ELMO1: variants seen among roughly 807,000 people sequenced by gnomAD.
ELMO1 encodes engulfment and cell motility protein 1.
In ELMO1, 26 loss-of-function variants were observed where a neutral mutation model predicts 98.9. That is an observed-to-expected ratio of 0.26 (90% confidence interval 0.19 to 0.36). The LOEUF (loss-of-function observed/expected upper bound fraction) is 0.36. Among genes scored for constraint, ELMO1 ranks in the 10% least tolerant of loss-of-function variants. ELMO1 has a pLI of 1.00. For missense variants in ELMO1, 627 were observed against 935.2 expected (o/e 0.67, Z 4.30); for synonymous variants, 346 against 346.0 (o/e 1.00, Z 0.00).
At chr7:36,982,427 C>T (rs925829465) in intron 16 of ELMO1, among the ~76,000 whole-genome samples, 2 of 152,086 alleles carry the variant, frequency 1.3e-5, no homozygotes, top group African/African-American at 4.8e-5. Context: ...TTTCTTTTTA[C>T]TTTTTTCAGG....
intron 15 of ELMO1, among the ~76,000 whole-genome samples, chr7:37,015,218 G>C (rs1002148446): frequency 1.3e-4 from 20 of 152,178 alleles, no homozygotes; most frequent in African/African-American, 4.8e-4. Flanking sequence ...GGGGTGGGGT[G>C]GGGGGACAGA....
rs116824444 is a variant in ELMO1 at position 37,096,015 on chromosome 7, A to G, written c.1300+604T>C. On this transcript the variant is annotated intron_variant, in intron 15 of 21. Transcript: ENST00000310758. ...GGTAGATTAAAGCTAAATTATGCCA[A>G]TGAACAAAAGGCAAGAAAATTATCA... Among the ~76,000 whole-genome samples, 730 of 152,364 alleles carry G rather than the reference A, an allele frequency of 4.8e-3. 1 individual carries two copies. Among genetic ancestry groups the G allele is most frequent in the African/African-American group, 0.017 (697 of 41,586 alleles).
chr7:37,334,529 T>G (rs891623278), intron 2 of ELMO1, among the ~76,000 whole-genome samples: 10 of 152,152 alleles, frequency 6.6e-5, no homozygotes, highest in African/African-American at 2.4e-4. Context: ...CCTAGCTGAG[T>G]AATCTTGGGC....
chr7:37,015,230 G>A (rs1793853054), intron 15 of ELMO1, among the ~76,000 whole-genome samples: 1 of 152,188 alleles, frequency 6.6e-6, no homozygotes, highest in Non-Finnish European at 1.5e-5. Flanking sequence ...GGGGACAGAA[G>A]ATTTGGGTTC....
chr7:37,378,933 A>G (rs1390743796), intron 1 of ELMO1, among the ~76,000 whole-genome samples: 3 of 152,092 alleles, frequency 2.0e-5, no homozygotes, highest in Non-Finnish European at 4.4e-5. Context: ...CCAATTCCAT[A>G]CACTCCAGAG....
chr7:36,952,849 A>G (rs1401223781), intron 16 of ELMO1, among the ~76,000 whole-genome samples: 1 of 152,088 alleles, frequency 6.6e-6, no homozygotes, highest in African/African-American at 2.4e-5. Context: ...CCTGGAGGAG[A>G]CAGACCTCTT....
At chr7:37,083,117 C>T (rs1783565351) in intron 15 of ELMO1, among the ~76,000 whole-genome samples, 1 of 152,174 alleles carries the variant, frequency 6.6e-6, no homozygotes, top group Admixed American at 6.5e-5. Flanking sequence ...TCTAGAGCTG[C>T]TTGGTAGTGG....
chr7:37,068,169 C>T (rs933439342), intron 15 of ELMO1, among the ~76,000 whole-genome samples: 1 of 152,148 alleles, frequency 6.6e-6, no homozygotes. Flanking sequence ...CTTCCCCAGG[C>T]AGGCCCTAAA....
intron 6 of ELMO1, among the ~76,000 whole-genome samples, chr7:37,246,610 G>A (rs1795018654): frequency 6.6e-6 from 1 of 152,176 alleles, no homozygotes; most frequent in Non-Finnish European, 1.5e-5. Context: ...TGTTTGTTGT[G>A]ATGAGAGAAC....
chr7:37,097,873 CT>C (rs1784443559), intron 14 of ELMO1, among the ~76,000 whole-genome samples: 2 of 152,326 alleles, frequency 1.3e-5, no homozygotes, highest in Non-Finnish European at 1.5e-5. Flanking sequence ...TGTCTTTCCC[CT>C]TTCGTTGCTC....
intron 1 of ELMO1, among the ~76,000 whole-genome samples, chr7:37,420,134 T>C (rs1303119082): frequency 2.0e-5 from 3 of 152,186 alleles, no homozygotes; most frequent in African/African-American, 7.2e-5. Flanking sequence ...AGGACGAGTC[T>C]TGTGCTCTCA....
intron 4 of ELMO1, among the ~76,000 whole-genome samples, chr7:37,292,725 C>A (rs1387282949): frequency 3.3e-5 from 3 of 91,912 alleles, no homozygotes; most frequent in East Asian, 3.0e-4. Flanking sequence ...CCGCCCCGTC[C>A]GGGAGGGAGG....
chr7:37,281,794 T>C (rs1288260852), intron 4 of ELMO1, among the ~76,000 whole-genome samples: 1 of 152,244 alleles, frequency 6.6e-6, no homozygotes, highest in East Asian at 1.9e-4. Flanking sequence ...ACAAAACTCA[T>C]GCCAGCTTCT....
At chr7:37,376,578 T>C (rs923202464) in intron 1 of ELMO1, among the ~76,000 whole-genome samples, 1 of 152,160 alleles carries the variant, frequency 6.6e-6, no homozygotes, top group Admixed American at 6.5e-5. Flanking sequence ...CAATTAGTAC[T>C]GTAACCCCCA....
At chr7:36,937,040 C>T (rs1174446719) in intron 16 of ELMO1, among the ~76,000 whole-genome samples, 1 of 152,048 alleles carries the variant, frequency 6.6e-6, no homozygotes, top group African/African-American at 2.4e-5. Context: ...TGTTGGGAGG[C>T]TTTGTTTTAT....
chr7:37,215,166 CCT>C (rs1388004774), intron 11 of ELMO1, among the ~76,000 whole-genome samples: 5 of 152,182 alleles, frequency 3.3e-5, no homozygotes, highest in Non-Finnish European at 7.3e-5. Flanking sequence ...AACTGGGGGA[CCT>C]CTTTTTATCA....
chr7:37,349,080 A>C (rs1801141869), intron 1 of ELMO1, among the ~76,000 whole-genome samples: 1 of 152,202 alleles, frequency 6.6e-6, no homozygotes, highest in Non-Finnish European at 1.5e-5. Flanking sequence ...CTGCACTCAC[A>C]AGCCCAACAG....
In ELMO1 at chr7:37,052,878, CA is replaced by C. The variant is rs1796184311; in HGVS notation, c.1301-39444del. 2.6e-5 allele frequency among the ~76,000 whole-genome samples: 4 copies of C among 152,162 alleles called. No homozygotes were observed. The South Asian group carries it at 8.3e-4, about 31-fold the overall frequency. ...AGCACCAAGGAGAGCACCAACCCCCCAGGTCGTGTTTGTCTGAGGCTCCCTA... is the reference window on the plus strand; with the variant it reads ...AGCACCAAGGAGAGCACCAACCCCCCGGTCGTGTTTGTCTGAGGCTCCCTA... On this transcript the variant is annotated intron_variant, in intron 15 of 21. Coordinates refer to ENST00000310758, the MANE Select transcript of ELMO1 (RefSeq NM_014800.11).
intron 15 of ELMO1, 81 bp from the exon 16 acceptor site, chr7:37,013,516 A>C: frequency 1.3e-6 from 2 of 1,494,308 alleles, no homozygotes; most frequent in Non-Finnish European, 1.8e-6. Context: ...ATGTGCCCCA[A>C]AGGGAGACAA....
Sources: allele counts gnomAD v4.1 joint callset (sites outside exome capture counted in the v4.1 genomes callset), GRCh38; gene constraint gnomAD v4.1.1; transcripts MANE v1.5; gene names NCBI Gene and HGNC (gene_info 2026-07-23, HGNC 2026-07-21).